The following RORA variants were observed in gnomAD, a reference collection of about 807,000 sequenced individuals.
RORA encodes the protein nuclear receptor ROR-alpha.
A neutral mutation model predicts 69.5 loss-of-function variants in RORA; 7 were observed. The observed-to-expected ratio is 0.10, with a 90% CI of 0.06 to 0.19. The LOEUF (loss-of-function observed/expected upper bound fraction) is 0.19, where lower values mean the gene tolerates loss of function less well. RORA is among the 10% of genes least tolerant of loss of function. RORA has a pLI of 1.00. For synonymous variants in RORA, 261 were observed against 240.8 expected, an observed-to-expected ratio of 1.08 and a Z score of -0.78; for missense variants, 457 against 663.0, an observed-to-expected ratio of 0.69 and a Z score of 3.41.
chr15:60,741,177 G>A (rs1234806454), intron 1 of RORA, among the ~76,000 whole-genome samples: 1 of 152,186 alleles, frequency 6.6e-6, no homozygotes, highest in Non-Finnish European at 1.5e-5. Context: ...GGGACAGGAA[G>A]AGAAAGTTCA....
At chr15:61,139,167 G>A (rs1289763885) in intron 1 of RORA, among the ~76,000 whole-genome samples, 4 of 151,676 alleles carry the variant, frequency 2.6e-5, no homozygotes, top group Non-Finnish European at 1.5e-5. Flanking sequence ...AGTTAAAAAC[G>A]TTTCTTTTTA....
intron 1 of RORA, among the ~76,000 whole-genome samples, chr15:60,808,340 T>C (rs1249054105): frequency 6.6e-6 from 1 of 151,964 alleles, no homozygotes; most frequent in African/African-American, 2.4e-5. Context: ...ATCAGGAAAA[T>C]GCAAATCAAA....
intron 1 of RORA, among the ~76,000 whole-genome samples, chr15:60,973,792 G>GCAAT (rs1203724563): frequency 6.6e-6 from 1 of 152,220 alleles, no homozygotes; most frequent in East Asian, 1.9e-4. Flanking sequence ...CAGGCTCCCT[G>GCAAT]CAATCACTCC....
chr15:60,491,973 T>G lies in RORA; in HGVS notation c.*5482A>C, dbSNP rs1171162140. The G allele has an allele frequency of 6.6e-6, 1 of 151,330 alleles. No homozygotes were observed. The highest frequency in any genetic ancestry group is 2.4e-5 in the African/African-American group (1 of 41,142). The allele number at this position is 151,330 out of a possible 1,614,324, so 9.4% of individuals were successfully genotyped here. On this transcript the variant is annotated 3_prime_UTR_variant, in exon 11 of 11. Coordinates refer to ENST00000335670, the MANE Select transcript of RORA (RefSeq NM_134261.3). ...TAATATAAAGTTGTTTTCATGGGGT[T>G]CTATATCATAACTTTATAAGAAGTG... is the stretch of plus-strand genomic sequence containing the variant.
At chr15:60,988,454 A>G (rs1286267033) in intron 1 of RORA, among the ~76,000 whole-genome samples, 2 of 152,192 alleles carry the variant, frequency 1.3e-5, no homozygotes, top group African/African-American at 2.4e-5. Context: ...TTTTTCAACC[A>G]GTGAGCATAA....
At chr15:60,594,828 T>C (rs2068631227) in intron 2 of RORA, among the ~76,000 whole-genome samples, 2 of 152,256 alleles carry the variant, frequency 1.3e-5, no homozygotes, top group South Asian at 4.1e-4. Flanking sequence ...AATGTAATAC[T>C]GACCTTGCCC....
At chr15:61,110,141 G>A (rs1228680890) in intron 1 of RORA, among the ~76,000 whole-genome samples, 2 of 152,204 alleles carry the variant, frequency 1.3e-5, no homozygotes, top group Non-Finnish European at 2.9e-5. Context: ...GCTCACGCCT[G>A]TAATCCCACC....
chr15:60,848,950 C>G (rs2073295984), intron 1 of RORA: 1 of 152,190 alleles, frequency 6.6e-6, no homozygotes, highest in African/African-American at 2.4e-5. Context: ...GACTTGTGAC[C>G]TCTAGGACAA....
At chr15:60,993,365 A>G (rs1419066088) in intron 1 of RORA, among the ~76,000 whole-genome samples, 1 of 152,140 alleles carries the variant, frequency 6.6e-6, no homozygotes, top group East Asian at 1.9e-4. Flanking sequence ...TCGGCTGGGC[A>G]CAGCGGCTCA....
intron 1 of RORA, among the ~76,000 whole-genome samples, chr15:60,767,592 G>T (rs2072009936): frequency 6.6e-6 from 1 of 152,126 alleles, no homozygotes; most frequent in Non-Finnish European, 1.5e-5. Flanking sequence ...TGGGCTGCCA[G>T]ATCTCACATT....
chr15:60,850,117 A>G (rs1260150709), intron 1 of RORA, among the ~76,000 whole-genome samples: 1 of 152,192 alleles, frequency 6.6e-6, no homozygotes, highest in Non-Finnish European at 1.5e-5. Context: ...GAGAATCAAC[A>G]GTCCGTGTTC....
chr15:60,513,123 C>T (rs116209115), intron 4 of RORA, among the ~76,000 whole-genome samples: 1,808 of 152,298 alleles, frequency 0.012, 29 homozygotes, highest in African/African-American at 0.04. Flanking sequence ...CCAAAGAGGA[C>T]GCGCTGTCCT....
At chr15:60,955,436 A>G (rs1362595920) in intron 1 of RORA, among the ~76,000 whole-genome samples, 1 of 152,258 alleles carries the variant, frequency 6.6e-6, no homozygotes, top group East Asian at 1.9e-4. Flanking sequence ...ATTTCATTAT[A>G]TAGTAAGTAC....
At chr15:60,588,634 G>A (rs2068407990) in intron 2 of RORA, among the ~76,000 whole-genome samples, 1 of 152,180 alleles carries the variant, frequency 6.6e-6, no homozygotes, top group South Asian at 2.1e-4. Context: ...TTGAGTGGGA[G>A]GGAAAGATAG....
rs376786528 is a variant in RORA, at chr15:61,048,270, T to C, written c.166+180783A>G. Reference sequence around the variant, plus strand: ...TTCTCATGCGTAAGCCTTTGATAACTTGTTCCTAGGTTATCCAGTTCTGCT... The same window carrying C: ...TTCTCATGCGTAAGCCTTTGATAACCTGTTCCTAGGTTATCCAGTTCTGCT... On this transcript the variant is annotated intron_variant, in intron 1 of 10. Transcript: ENST00000335670. Among the ~76,000 whole-genome samples the C allele has an allele frequency of 3.1e-4, 47 of 152,346 alleles. 2 individuals carry two copies. The South Asian group carries it at 7.3e-3, about 24-fold the overall frequency.
intron 1 of RORA, among the ~76,000 whole-genome samples, chr15:61,152,037 C>T (rs1596030023): frequency 1.3e-5 from 2 of 152,220 alleles, no homozygotes; most frequent in East Asian, 1.9e-4. Context: ...AATTCCAGTG[C>T]GATTTCATTC....
intron 1 of RORA, among the ~76,000 whole-genome samples, chr15:61,166,344 G>A (rs1317711663): frequency 6.6e-6 from 1 of 152,106 alleles, no homozygotes; most frequent in Non-Finnish European, 1.5e-5. Flanking sequence ...TGGAATACCA[G>A]AATAATTTCC....
chr15:60,742,472 T>A (rs1371610143), intron 1 of RORA, among the ~76,000 whole-genome samples: 1 of 152,228 alleles, frequency 6.6e-6, no homozygotes, highest in Non-Finnish European at 1.5e-5. Flanking sequence ...ATGCATTACC[T>A]CACAGACATC....
intron 1 of RORA, among the ~76,000 whole-genome samples, chr15:61,168,705 T>C (rs573096017): frequency 1.6e-4 from 24 of 152,336 alleles, no homozygotes; most frequent in African/African-American, 5.3e-4. Flanking sequence ...AAGCGTTTTA[T>C]GGTTCCCCTC....
Sources: allele counts gnomAD v4.1 joint callset (sites outside exome capture counted in the v4.1 genomes callset), GRCh38; gene constraint gnomAD v4.1.1; transcripts MANE v1.5; gene names NCBI Gene and HGNC (gene_info 2026-07-23, HGNC 2026-07-21).